PVT1: variants seen among roughly 807,000 people sequenced by gnomAD.
PVT1 encodes CXCR4/PVT1 fusion.
At chr8:127,987,263 C>T (rs188280939) in intron 3 of PVT1, among the ~76,000 whole-genome samples, 72 of 152,296 alleles carry the variant, frequency 4.7e-4, no homozygotes, top group African/African-American at 1.6e-3. Context: ...ATCCTGTCAG[C>T]GCACCTGGCA....
At chr8:127,985,433 C>A (rs1816958805) in intron 3 of PVT1, among the ~76,000 whole-genome samples, 1 of 149,540 alleles carries the variant, frequency 6.7e-6, no homozygotes, top group Non-Finnish European at 1.5e-5. Context: ...GGCTGAGTAG[C>A]TGCTTTTTTT....
At chr8:128,000,009 C>G (rs960714553) in intron 4 of PVT1, among the ~76,000 whole-genome samples, 1 of 152,218 alleles carries the variant, frequency 6.6e-6, no homozygotes, top group Non-Finnish European at 1.5e-5. Context: ...TGCTCACAGG[C>G]CTTTGAATGT....
At chr8:128,032,619 A>G (rs1347124949) in intron 4 of PVT1, among the ~76,000 whole-genome samples, 1 of 152,214 alleles carries the variant, frequency 6.6e-6, no homozygotes, top group Non-Finnish European at 1.5e-5. Flanking sequence ...GTGGCTTTCA[A>G]TATTAAGCAT....
Position 127,942,955 on chromosome 8 carries a change from G to T in PVT1, n.783-46207G>T, listed in dbSNP as rs199673659. 5.5e-4 allele frequency among the ~76,000 whole-genome samples: 84 copies of T among 152,324 alleles called. 1 individual carries two copies. In the East Asian group the frequency reaches 0.013, roughly 24 times the overall value. ...GGATTTGAGAAATAAAATCTGAGGAGGGAGCAGGACCTGCCTCAGGGCCTC... is the reference window on the plus strand; with the variant it reads ...GGATTTGAGAAATAAAATCTGAGGATGGAGCAGGACCTGCCTCAGGGCCTC... On this transcript the variant is annotated intron_variant and non_coding_transcript_variant, in intron 3 of 10. Coordinates refer to ENST00000651587, the Ensembl canonical transcript of PVT1.
At chr8:127,847,333 G>A (rs1298069798) in intron 2 of PVT1, among the ~76,000 whole-genome samples, 1 of 152,212 alleles carries the variant, frequency 6.6e-6, no homozygotes, top group Non-Finnish European at 1.5e-5. Context: ...GATGCGCTCT[G>A]TTGTTGGCAA....
chr8:128,066,276 C>G (rs768258907), intron 4 of PVT1, among the ~76,000 whole-genome samples: 3 of 152,136 alleles, frequency 2.0e-5, no homozygotes, highest in Non-Finnish European at 2.9e-5. Context: ...CATGTCATTT[C>G]TGGCCTTCAT....
At chr8:128,024,471 C>T (rs1817471446) in intron 4 of PVT1, among the ~76,000 whole-genome samples, 1 of 151,876 alleles carries the variant, frequency 6.6e-6, no homozygotes, top group Admixed American at 6.6e-5. Flanking sequence ...AAAAAAATAA[C>T]GGAAATTAGC....
At chr8:127,962,786 G>A (rs774320529) in intron 3 of PVT1, among the ~76,000 whole-genome samples, 7 of 151,954 alleles carry the variant, frequency 4.6e-5, no homozygotes, top group Non-Finnish European at 8.8e-5. Context: ...TAGTAGAGAC[G>A]GGGTTTCACC....
chr8:128,093,872 G>T (rs894900559), intron 5 of PVT1, among the ~76,000 whole-genome samples: 1 of 152,154 alleles, frequency 6.6e-6, no homozygotes, highest in Admixed American at 6.5e-5. Flanking sequence ...TCCTGACCTC[G>T]TGATCTGCCC....
intron 3 of PVT1, among the ~76,000 whole-genome samples, chr8:127,960,015 G>A (rs1214464795): frequency 6.6e-6 from 1 of 152,156 alleles, no homozygotes; most frequent in African/African-American, 2.4e-5. Flanking sequence ...TCCTGGAAGG[G>A]GTCTCCTGTA....
At chr8:128,037,835 A>C (rs1813483450) in intron 4 of PVT1, among the ~76,000 whole-genome samples, 1 of 152,204 alleles carries the variant, frequency 6.6e-6, no homozygotes, top group South Asian at 2.1e-4. Context: ...TGGGCAGGTG[A>C]GGGTGCAAAG....
At position 127,941,429 on chromosome 8, in the gene PVT1, A is replaced by T. The variant is rs183930612; in HGVS notation, n.783-47733A>T. Among the ~76,000 whole-genome samples the T allele has an allele frequency of 6.6e-3, 1,008 of 152,278 alleles. 11 individuals are homozygous for T. Among genetic ancestry groups the T allele is most frequent in the Non-Finnish European group, 0.01 (688 of 68,026 alleles). On this transcript the variant is annotated intron_variant and non_coding_transcript_variant, in intron 3 of 10. Coordinates refer to ENST00000651587, the Ensembl canonical transcript of PVT1. Reference sequence around the variant, plus strand: ...GGAATGAGGGGTGGCAGGTATTCTGACACAGTACCTCAGAAGGGTTGCTGT... The same window carrying T: ...GGAATGAGGGGTGGCAGGTATTCTGTCACAGTACCTCAGAAGGGTTGCTGT...
chr8:127,872,923 T>C (rs1815368425), intron 2 of PVT1, among the ~76,000 whole-genome samples: 1 of 152,220 alleles, frequency 6.6e-6, no homozygotes, highest in South Asian at 2.1e-4. Flanking sequence ...GGAATCCAGA[T>C]ACATTAAAGC....
At chr8:127,914,512 C>A (rs1319068589) in intron 3 of PVT1, among the ~76,000 whole-genome samples, 1 of 152,062 alleles carries the variant, frequency 6.6e-6, no homozygotes, top group Admixed American at 6.6e-5. Context: ...CTTTTACAGG[C>A]ATGTGCACTA....
At chr8:128,026,065 C>A (rs865858422) in intron 4 of PVT1, among the ~76,000 whole-genome samples, 1 of 152,052 alleles carries the variant, frequency 6.6e-6, no homozygotes. Flanking sequence ...GATTCTCCTG[C>A]CAGAGTAGCT....
chr8:128,069,753 T>C (rs916955494), intron 4 of PVT1, among the ~76,000 whole-genome samples: 2 of 152,168 alleles, frequency 1.3e-5, no homozygotes, highest in African/African-American at 2.4e-5. Context: ...GGCACTGTGA[T>C]TTGCCAAAGA....
At chr8:127,948,962 G>A (rs1816461257) in intron 3 of PVT1, among the ~76,000 whole-genome samples, 1 of 152,220 alleles carries the variant, frequency 6.6e-6, no homozygotes, top group Non-Finnish European at 1.5e-5. Context: ...CTCACAGGCT[G>A]TGGTAAGAGG....
chr8:127,986,727 C>T (rs879686557), intron 3 of PVT1, among the ~76,000 whole-genome samples: 16 of 152,196 alleles, frequency 1.1e-4, no homozygotes, highest in East Asian at 1.9e-4. Context: ...TGCTTTGCAC[C>T]GGGCTCTAAA....
intron 5 of PVT1, among the ~76,000 whole-genome samples, chr8:128,073,802 C>CTTT (rs79686805): frequency 7.2e-6 from 1 of 138,122 alleles, no homozygotes; most frequent in Admixed American, 7.3e-5. Flanking sequence ...ATTTTTTTTT[C>CTTT]TTTTTTTTTT....
Sources: allele counts gnomAD v4.1 joint callset (sites outside exome capture counted in the v4.1 genomes callset), GRCh38; gene constraint gnomAD v4.1.1; transcripts MANE v1.5; gene names NCBI Gene and HGNC (gene_info 2026-07-23, HGNC 2026-07-21).